Variants in GRIA4 observed in about 807,000 individuals in gnomAD.
The protein encoded by GRIA4 is glutamate ionotropic receptor AMPA type subunit 4.
A neutral mutation model predicts 104.0 loss-of-function variants in GRIA4; 34 were observed. The ratio of observed to expected loss-of-function variants is 0.33; its 90% CI spans 0.25 to 0.44. The LOEUF is 0.44. GRIA4 is among the 20% of genes least tolerant of loss of function. The pLI is 1.00. For missense variants in GRIA4, 750 were observed against 1,096.5 expected (o/e 0.68, Z 4.46); for synonymous variants, 386 against 381.9 (o/e 1.01, Z -0.13).
intron 3 of GRIA4, among the ~76,000 whole-genome samples, chr11:105,725,464 C>A (rs1040100304): frequency 6.6e-6 from 1 of 152,084 alleles, no homozygotes; most frequent in Non-Finnish European, 1.5e-5. Flanking sequence ...GGAGCTAATA[C>A]CTGATTATAG....
intron 13 of GRIA4, 76 bp downstream of exon 13, chr11:105,927,015 T>A: frequency 1.1e-6 from 1 of 907,544 alleles, no homozygotes; most frequent in Admixed American, 2.0e-5. Flanking sequence ...AATTATACCA[T>A]GGGCTTTAGC....
At position 105,670,982 on chromosome 11, in the gene GRIA4, C is replaced by A. The variant is rs77645881; in HGVS notation, c.247+58548C>A. Reference sequence around the variant, plus strand: ...ACCTCATTGCTTGGCTTGTGGCCCACTTCCTCCATCTTCAAAGATGACAAC... The same window carrying A: ...ACCTCATTGCTTGGCTTGTGGCCCAATTCCTCCATCTTCAAAGATGACAAC... On this transcript the variant is annotated intron_variant, in intron 3 of 16. Transcript: ENST00000282499. Among the ~76,000 whole-genome samples the A allele has an allele frequency of 4.6e-3, 704 of 152,208 alleles. 10 individuals carry two copies. The highest frequency in any genetic ancestry group is 0.045 in the East Asian group (234 of 5,150).
At position 105,817,454 on chromosome 11, in the gene GRIA4, TCA is replaced by T. The variant is rs570627217; in HGVS notation, c.488-44569_488-44568del. On this transcript the variant is annotated intron_variant, in intron 4 of 16. Transcript: ENST00000282499. ...TATAGTAATAAATCTGAAAACTAGCTCAGTGTTGTGGCCAGAGTAAAGTAATA... is the reference window on the plus strand; with the variant it reads ...TATAGTAATAAATCTGAAAACTAGCTGTGTTGTGGCCAGAGTAAAGTAATA... Among the ~76,000 whole-genome samples, 1,044 of 151,560 alleles carry T rather than the reference TCA, an allele frequency of 6.9e-3. 23 individuals carry two copies. Among genetic ancestry groups the T allele is most frequent in the African/African-American group, 0.024 (1,005 of 41,256 alleles).
At chr11:105,707,810 T>G (rs1953761388) in intron 3 of GRIA4, 4 of 152,220 alleles carry the variant, frequency 2.6e-5, no homozygotes, top group African/African-American at 9.6e-5. Context: ...TGCTTTATCA[T>G]GTGCTGCTGG....
chr11:105,900,149 A>G (rs1946803018), intron 7 of GRIA4, among the ~76,000 whole-genome samples: 1 of 152,168 alleles, frequency 6.6e-6, no homozygotes, highest in African/African-American at 2.4e-5. Context: ...TAACCACAAA[A>G]GTGCCACAAG....
chr11:105,672,035 T>C (rs971632652), intron 3 of GRIA4, among the ~76,000 whole-genome samples: 14 of 152,146 alleles, frequency 9.2e-5, no homozygotes, highest in African/African-American at 3.4e-4. Context: ...GCTTAATCAC[T>C]CTCACTGGTA....
chr11:105,971,438 G>T lies in GRIA4; in HGVS notation c.2295-476G>T, dbSNP rs141600129. 1.7e-4 allele frequency among the ~76,000 whole-genome samples: 26 copies of T among 152,230 alleles called. No homozygotes were observed. The East Asian group carries it at 4.6e-3, about 27-fold the overall frequency. ...CGGTCAAGAAGTCAATTTAATGATG[G>T]ATACTGTAGACATACTTTTATAGCA... On this transcript the variant is annotated intron_variant, in intron 14 of 16. Coordinates refer to ENST00000282499, the MANE Select transcript of GRIA4 (RefSeq NM_000829.4).
chr11:105,733,284 A>G (rs1938718025), intron 3 of GRIA4, among the ~76,000 whole-genome samples: 1 of 152,184 alleles, frequency 6.6e-6, no homozygotes, highest in Admixed American at 6.6e-5. Flanking sequence ...ACGTATATAC[A>G]TAGATAGAAG....
chr11:105,625,863 C>T (rs1950873624), intron 3 of GRIA4, among the ~76,000 whole-genome samples: 1 of 152,060 alleles, frequency 6.6e-6, no homozygotes, highest in African/African-American at 2.4e-5. Context: ...TAAAAATTCA[C>T]AGTTAGAAAT....
At chr11:105,734,599 T>C (rs555847134) in intron 3 of GRIA4, among the ~76,000 whole-genome samples, 7 of 152,254 alleles carry the variant, frequency 4.6e-5, no homozygotes, top group African/African-American at 1.7e-4. Context: ...CAGGGATACT[T>C]AACACTGTTC....
intron 3 of GRIA4, among the ~76,000 whole-genome samples, chr11:105,739,946 T>A (rs1591174230): frequency 6.6e-6 from 1 of 152,134 alleles, no homozygotes; most frequent in Non-Finnish European, 1.5e-5. Flanking sequence ...GGCTGAGCAG[T>A]GAGTGTTTGG....
rs573850315 is a variant in GRIA4 at position 105,668,065 on chromosome 11, T to G, written c.247+55631T>G. On this transcript the variant is annotated intron_variant, in intron 3 of 16. Coordinates refer to ENST00000282499, the MANE Select transcript of GRIA4 (RefSeq NM_000829.4). ...TCTGTTTCTATGAATTTGACTATTTTAGCTTTGACATATAAGTGAGATCAT... is the reference window on the plus strand; with the variant it reads ...TCTGTTTCTATGAATTTGACTATTTGAGCTTTGACATATAAGTGAGATCAT... Among the ~76,000 whole-genome samples the G allele has an allele frequency of 9.6e-4, 145 of 151,560 alleles. No homozygotes were observed. The Middle Eastern group carries it at 0.01, about 11-fold the overall frequency.
intron 3 of GRIA4, among the ~76,000 whole-genome samples, chr11:105,698,054 A>T (rs923554378): frequency 4.6e-5 from 7 of 152,134 alleles, no homozygotes; most frequent in African/African-American, 1.7e-4. Flanking sequence ...CACATATGCT[A>T]CTATGTCATG....
At chr11:105,767,642 C>A (rs1245118310) in intron 4 of GRIA4, among the ~76,000 whole-genome samples, 2 of 152,074 alleles carry the variant, frequency 1.3e-5, no homozygotes, top group Admixed American at 1.3e-4. Flanking sequence ...AATTTATAAT[C>A]TCATAATAAT....
At chr11:105,850,394 T>A (rs1382733846) in intron 4 of GRIA4, among the ~76,000 whole-genome samples, 1 of 152,200 alleles carries the variant, frequency 6.6e-6, no homozygotes, top group Non-Finnish European at 1.5e-5. Flanking sequence ...TAATTCAAAC[T>A]TAATTTGTGA....
chr11:105,781,475 G>A (rs747324188), intron 4 of GRIA4, among the ~76,000 whole-genome samples: 13 of 151,952 alleles, frequency 8.6e-5, no homozygotes, highest in Non-Finnish European at 1.6e-4. Context: ...CATAAGTTAC[G>A]TTTCTACATA....
intron 4 of GRIA4, among the ~76,000 whole-genome samples, chr11:105,793,452 A>G (rs1942308031): frequency 6.6e-6 from 1 of 152,204 alleles, no homozygotes; most frequent in Non-Finnish European, 1.5e-5. Flanking sequence ...AGAATCCCAC[A>G]GCAGGGACTA....
chr11:105,961,552 T>C (rs1948745285), intron 14 of GRIA4, among the ~76,000 whole-genome samples: 1 of 152,228 alleles, frequency 6.6e-6, no homozygotes, highest in Admixed American at 6.5e-5. Context: ...ACAGGCCTTT[T>C]TGGGACCAGA....
At chr11:105,934,112 G>T in intron 14 of GRIA4, 143 bp downstream of exon 14, 1 of 747,580 alleles carries the variant, frequency 1.3e-6, no homozygotes, top group South Asian at 2.1e-5. Flanking sequence ...CATATATTTT[G>T]GTCAACAATC....
Sources: gnomAD v4.1 joint callset for allele counts (sites outside exome capture counted in the v4.1 genomes callset) on GRCh38, gnomAD v4.1.1 for gene constraint, MANE v1.5 for transcripts, NCBI Gene and HGNC (gene_info 2026-07-23, HGNC 2026-07-21) for gene names.